The following RIOX2 variants were observed in gnomAD, a reference collection of about 807,000 sequenced individuals.
RIOX2 encodes ribosomal oxygenase 2.
RIOX2 carries 43 observed loss-of-function variants against 51.2 expected under a neutral mutation model. The observed-to-expected ratio is 0.84, with a 90% confidence interval of 0.66 to 1.08. The LOEUF (loss-of-function observed/expected upper bound fraction) is 1.08. Ranked by LOEUF, RIOX2 falls within the 50% of genes least tolerant of loss-of-function variation. RIOX2 has a pLI of 0.00. For missense variants in RIOX2, 566 were observed against 561.7 expected (o/e 1.01, Z -0.08); for synonymous variants, 226 against 218.5 (o/e 1.03, Z -0.30).
chr3:97,945,356 T>G lies in RIOX2; in HGVS notation c.1240-14A>C, dbSNP rs975757259. ...AAGTCCATGAAACTGAAAGGATAAA[T>G]TTATTTGTCAAAATATATGTATACT... On this transcript the variant is annotated splice_polypyrimidine_tract_variant and intron_variant, in intron 9 of 9. Transcript: ENST00000394198. 3.1e-6 allele frequency: 5 copies of G among 1,605,552 alleles called. No individual in the cohort carries two copies. Among genetic ancestry groups the G allele is most frequent in the Non-Finnish European group, 4.3e-6 (5 of 1,176,090 alleles).
intron 8 of RIOX2, among the ~76,000 whole-genome samples, 187 bp downstream of exon 8, chr3:97,947,174 G>A (rs1575992295): frequency 1.3e-5 from 2 of 152,154 alleles, no homozygotes; most frequent in Admixed American, 6.6e-5. Context: ...CTGTGAGGAT[G>A]AGGGCAAGAA....
At chr3:97,947,905 T>C (rs557403554) in intron 7 of RIOX2, among the ~76,000 whole-genome samples, 5 of 152,268 alleles carry the variant, frequency 3.3e-5, no homozygotes, top group South Asian at 2.1e-4. Context: ...ATTCAGTCTA[T>C]GTAAGTCAAG....
intron 9 of RIOX2, 68 bp from the exon 10 acceptor site, chr3:97,945,410 GTAAATT>G: frequency 3.7e-6 from 5 of 1,369,220 alleles, no homozygotes; most frequent in Non-Finnish European, 5.0e-6. Flanking sequence ...GCATTTTCCT[GTAAATT>G]TATTCTCCAT....
At chr3:97,946,001 C>T in intron 8 of RIOX2, 114 bp from the exon 9 acceptor site, 1 of 698,948 alleles carries the variant, frequency 1.4e-6, no homozygotes. Flanking sequence ...AGCCTTGGTG[C>T]TCAAGTGAAA....
At chr3:97,962,673 G>C (rs1453533580) in intron 2 of RIOX2, among the ~76,000 whole-genome samples, 1 of 152,136 alleles carries the variant, frequency 6.6e-6, no homozygotes, top group Non-Finnish European at 1.5e-5. Context: ...GGGGCAATTA[G>C]GCCATGTAGA....
In RIOX2 at chr3:97,961,562, C is replaced by T. The variant is rs779361991; in HGVS notation, c.552+27G>A. 39 of 1,579,312 alleles carry T rather than the reference C, an allele frequency of 2.5e-5. No homozygotes were observed. The Admixed American group carries it at 6.1e-4, about 25-fold the overall frequency. ...GCTCTCAACAACTCATTCTTCCCAA[C>T]ATGGGGCAATTTTCTCCATCTCTTA... On this transcript the variant is annotated intron_variant, in intron 3 of 9. Transcript: ENST00000394198.
At chr3:97,950,368 C>T (rs931961202) in intron 6 of RIOX2, among the ~76,000 whole-genome samples, 1 of 152,188 alleles carries the variant, frequency 6.6e-6, no homozygotes, top group Non-Finnish European at 1.5e-5. Context: ...CTAATCCACT[C>T]ATCTCAAAAC....
At position 97,959,035 on chromosome 3, in the gene RIOX2, A is replaced by T; in HGVS notation, c.681+16T>A. ...ATGGCTCTAACAATGAGGTGCCCAC[A>T]ACGGTTATCACATACCTTCAGCATA... On this transcript the variant is annotated intron_variant, in intron 4 of 9. Transcript: ENST00000394198. 6.3e-7 allele frequency: 1 copy of T among 1,598,330 alleles called. No homozygotes were observed. The highest frequency in any genetic ancestry group is 1.1e-5 in the South Asian group (1 of 88,748).
At chr3:97,964,013 T>C (rs549131232) in intron 2 of RIOX2, among the ~76,000 whole-genome samples, 1 of 152,324 alleles carries the variant, frequency 6.6e-6, no homozygotes, top group South Asian at 2.1e-4. Context: ...CAAGCGATAT[T>C]GCTTTACTAA....
At chr3:97,969,945 A>G (rs1216283494) in intron 1 of RIOX2, among the ~76,000 whole-genome samples, 1 of 152,164 alleles carries the variant, frequency 6.6e-6, no homozygotes, top group Non-Finnish European at 1.5e-5. Flanking sequence ...GCTCACGTTT[A>G]ATTTTTAAAA....
In RIOX2 at chr3:97,942,586, C is replaced by A. The variant is rs984561421; in HGVS notation, c.*2598G>T. The stretch of plus-strand genomic sequence containing the variant: ...TATGCTTGAAGAAAATTAAGATAGG[C>A]AGTTTTACAAACAAAACAATTAGCA... On this transcript the variant is annotated 3_prime_UTR_variant, in exon 10 of 10. Transcript: ENST00000394198. The A allele has an allele frequency of 2.6e-6, 2 of 770,492 alleles. No individual in the cohort carries two copies. Among genetic ancestry groups the A allele is most frequent in the Non-Finnish European group, 2.0e-6 (1 of 504,382 alleles). The allele number at this position is 770,492 out of a possible 1,614,324, so 47.7% of individuals were successfully genotyped here. A position where few individuals can be genotyped will look rare whatever the true frequency, so the allele number is the denominator to read the frequency against.
chr3:97,955,465 T>A (rs1705414000), intron 4 of RIOX2, among the ~76,000 whole-genome samples: 1 of 151,920 alleles, frequency 6.6e-6, no homozygotes, highest in African/African-American at 2.4e-5. Flanking sequence ...GGTAGTCTAG[T>A]GCAATGGTTA....
At chr3:97,964,696 TAAAAAAAAAAAA>T (rs1159985029) in intron 2 of RIOX2, among the ~76,000 whole-genome samples, 4 of 60,210 alleles carry the variant, frequency 6.6e-5, no homozygotes, top group African/African-American at 1.4e-4. Flanking sequence ...GACTCTGTCT[TAAAAAAAAAAAA>T]AAAAAAAAAA....
chr3:97,961,658 C>T lies in RIOX2; in HGVS notation c.483G>A (p.Leu161=). The T allele has an allele frequency of 6.2e-7, 1 of 1,612,348 alleles. No homozygotes were observed. Among genetic ancestry groups the T allele is most frequent in the Non-Finnish European group, 8.5e-7 (1 of 1,179,502 alleles). The change falls in exon 3 of 10, where the codon TTG becomes TTA. Residue 161 remains leucine, a synonymous_variant. Coordinates refer to ENST00000394198, the MANE Select transcript of RIOX2 (RefSeq NM_153182.4). Reference sequence around the variant, plus strand: ...GAGTTATGTACACATTCGAGCCAACCAAGGAGCCAAAGTAACATTCCAGCT... The same window carrying T: ...GAGTTATGTACACATTCGAGCCAACTAAGGAGCCAAAGTAACATTCCAGCT... ...QEKLECYFGS[L]VGSNVYITPA...
Position 97,950,865 on chromosome 3 carries a change from T to A in RIOX2, c.809A>T (p.Asp270Val). The change falls in exon 6 of 10, where the codon GAT (aspartate) becomes GTT (valine). Residue 270 changes from aspartate (D) to valine (V), a missense_variant. Coordinates refer to ENST00000394198, the MANE Select transcript of RIOX2 (RefSeq NM_153182.4). ...QNNSWGDFLL[D>V]TISGLVFDTA... ...ATCAAATACAAGCCCCGAGATGGTA[T>A]CCAAAAGGAAATCTCCCCATGAACT... The A allele has an allele frequency of 6.2e-7, 1 of 1,613,366 alleles. No homozygotes were observed. The highest frequency in any genetic ancestry group is 1.3e-5 in the African/African-American group (1 of 74,834).
chr3:97,941,936 GT>G lies in RIOX2; in HGVS notation c.*3247del, dbSNP rs1163513964. The G allele has an allele frequency of 1.2e-5, 2 of 166,674 alleles. No individual in the cohort carries two copies. The highest frequency in any genetic ancestry group is 2.6e-5 in the Non-Finnish European group (2 of 78,352). 10.3% of individuals were successfully genotyped at this position (166,674 alleles called of 1,614,324 possible). A position where few individuals can be genotyped will look rare whatever the true frequency, so the allele number is the denominator to read the frequency against. On this transcript the variant is annotated 3_prime_UTR_variant, in exon 10 of 10. Coordinates refer to ENST00000394198, the MANE Select transcript of RIOX2 (RefSeq NM_153182.4). ...GGATATCTTTAGCCCATCATGCAAT[GT>G]TTTCATAAGAAAACCAAGCTCAACA...
intron 7 of RIOX2, among the ~76,000 whole-genome samples, chr3:97,948,604 T>C (rs1177653531): frequency 2.6e-5 from 4 of 152,186 alleles, no homozygotes; most frequent in African/African-American, 9.7e-5. Context: ...ACTTCCGCTT[T>C]ACCATTGATA....
In RIOX2 at chr3:97,967,308, AG is replaced by A; in HGVS notation, c.285del (p.Tyr96MetfsTer5). Reference protein sequence around the residue: ...DLKSLCSRGMYYGRDVNVCRC... With the variant: ...DLKSLCSRGMXYGRDVNVCRC... Reference sequence around the variant, plus strand: ...CGGCAGACATTCACATCTCTTCCATAGTACATCCCCCGGCTGCACAGACTCT... The same window carrying A: ...CGGCAGACATTCACATCTCTTCCATATACATCCCCCGGCTGCACAGACTCT... On this transcript the variant is annotated frameshift_variant, in exon 2 of 10. Coordinates refer to ENST00000394198, the MANE Select transcript of RIOX2 (RefSeq NM_153182.4). LOFTEE classifies it high-confidence loss of function. The A allele has an allele frequency of 6.2e-7, 1 of 1,614,196 alleles. No individual in the cohort carries two copies. Among genetic ancestry groups the A allele is most frequent in the Non-Finnish European group, 8.5e-7 (1 of 1,180,036 alleles).
intron 5 of RIOX2, 149 bp from the exon 6 acceptor site, chr3:97,951,037 T>C: frequency 1.6e-6 from 1 of 608,216 alleles, no homozygotes; most frequent in Non-Finnish European, 2.9e-6. Flanking sequence ...AATTGGACAT[T>C]ACTCAGCATG....
Sources: gnomAD v4.1 joint callset for allele counts (sites outside exome capture counted in the v4.1 genomes callset) on GRCh38, gnomAD v4.1.1 for gene constraint, MANE v1.5 for transcripts, NCBI Gene and HGNC (gene_info 2026-07-23, HGNC 2026-07-21) for gene names.